The following KIF13B variants were observed in gnomAD, a reference collection of about 807,000 sequenced individuals.
KIF13B encodes kinesin family member 13B.
In KIF13B, 127 loss-of-function variants were observed where a neutral mutation model predicts 222.0. The observed-to-expected ratio is 0.57, with a 90% CI of 0.50 to 0.66. The LOEUF is 0.66. Ranked by LOEUF, KIF13B falls within the 30% of genes least tolerant of loss-of-function variation. The probability of loss-of-function intolerance (pLI) is 0.00; values close to 1 mark genes in which losing one functional copy is unlikely to be tolerated. For synonymous variants in KIF13B, 976 were observed against 919.0 expected (o/e 1.06, Z -1.12); for missense variants, 2,173 against 2,379.0 (o/e 0.91, Z 1.80).
intron 2 of KIF13B, among the ~76,000 whole-genome samples, chr8:29,221,899 A>G (rs1178510430): frequency 6.6e-6 from 1 of 152,170 alleles, no homozygotes; most frequent in Admixed American, 6.5e-5. Context: ...CACTATCGAT[A>G]CTTTATAAAA....
Position 29,180,214 on chromosome 8 carries a change from C to T in KIF13B, c.610G>A (p.Gly204Ser). ...GCAGCAACTGTGCGAGATTTGTTAC[C>T]CTCAGACATCAACGACTCAATATCC... Reference protein sequence around the residue: ...YKDIESLMSEGNKSRTVAATN... With the variant: ...YKDIESLMSESNKSRTVAATN... Residue 204 changes from glycine (G) to serine (S), a missense_variant, in exon 8 of 40, where the codon GGT becomes AGT. This residue lies in a region of KIF13B where 1,480 missense variants were observed against 1,722.8 expected (regional missense o/e 0.86). Transcript: ENST00000524189. 6.2e-7 allele frequency: 1 copy of T among 1,613,946 alleles called. No individual in the cohort carries two copies. Among genetic ancestry groups the T allele is most frequent in the Non-Finnish European group, 8.5e-7 (1 of 1,179,876 alleles).
intron 2 of KIF13B, among the ~76,000 whole-genome samples, chr8:29,232,709 C>G (rs1485503423): frequency 6.6e-6 from 1 of 152,136 alleles, no homozygotes; most frequent in Non-Finnish European, 1.5e-5. Flanking sequence ...GTAAGCACAA[C>G]AGTGATTTGT....
chr8:29,199,574 C>CAAAA (rs10579222), intron 2 of KIF13B, among the ~76,000 whole-genome samples: 29 of 119,406 alleles, frequency 2.4e-4, no homozygotes, highest in East Asian at 1.9e-3. Context: ...TTCCAAAATC[C>CAAAA]AAAAAAAAAA....
chr8:29,115,733 C>T (rs150058103), intron 31 of KIF13B, among the ~76,000 whole-genome samples: 127 of 152,266 alleles, frequency 8.3e-4, no homozygotes, highest in African/African-American at 2.9e-3. Flanking sequence ...ACAGGCAGGA[C>T]CCCCAGCACA....
Position 29,132,356 on chromosome 8 carries a change from A to C in KIF13B, c.2894T>G (p.Leu965Arg). Reference sequence around the variant, plus strand: ...TGCTTGGATGATTCCCAAATCCCACAGGGCGGGGTTTTTCCGGGGATCGTT... The same window carrying C: ...TGCTTGGATGATTCCCAAATCCCACCGGGCGGGGTTTTTCCGGGGATCGTT... ...KINDPRKNPA[L>R]WDLGIIQAKT... Residue 965 changes from leucine (L) to arginine (R), a missense_variant, in exon 23 of 40, where the codon CTG (leucine) becomes CGG (arginine). By Grantham distance (102) the Leu-to-Arg change is moderately radical. Coordinates refer to ENST00000524189, the MANE Select transcript of KIF13B (RefSeq NM_015254.4). 3.8e-6 allele frequency: 6 copies of C among 1,584,050 alleles called. No individual in the cohort carries two copies. Among genetic ancestry groups the C allele is most frequent in the Non-Finnish European group, 5.2e-6 (6 of 1,164,396 alleles).
chr8:29,231,071 G>C (rs905925901), intron 2 of KIF13B, among the ~76,000 whole-genome samples: 1 of 151,806 alleles, frequency 6.6e-6, no homozygotes, highest in Non-Finnish European at 1.5e-5. Flanking sequence ...GTAGAGACAG[G>C]GTTTCACCAT....
At chr8:29,086,642 A>C (rs1050403255) in intron 37 of KIF13B, among the ~76,000 whole-genome samples, 2 of 152,232 alleles carry the variant, frequency 1.3e-5, no homozygotes, top group African/African-American at 4.8e-5. Context: ...TCGATCCCCA[A>C]ACCATTCGGG....
At chr8:29,153,544 T>C (rs1358440110) in intron 14 of KIF13B, among the ~76,000 whole-genome samples, 1 of 152,182 alleles carries the variant, frequency 6.6e-6, no homozygotes, top group Non-Finnish European at 1.5e-5. Flanking sequence ...AACACTGATA[T>C]TCCTGGGACA....
chr8:29,160,716 A>G lies in KIF13B; in HGVS notation c.1404+17T>C. 6.2e-7 allele frequency: 1 copy of G among 1,605,312 alleles called. No individual in the cohort carries two copies. The highest frequency in any genetic ancestry group is 8.5e-7 in the Non-Finnish European group (1 of 1,175,724). On this transcript the variant is annotated intron_variant, in intron 13 of 39. Coordinates refer to ENST00000524189, the MANE Select transcript of KIF13B (RefSeq NM_015254.4). ...TATTTTGTAACAAGAATCTAGTAGCAAAGCACATTACTTCACCTTTAAATA... is the reference window on the plus strand; with the variant it reads ...TATTTTGTAACAAGAATCTAGTAGCGAAGCACATTACTTCACCTTTAAATA...
intron 36 of KIF13B, among the ~76,000 whole-genome samples, chr8:29,093,233 A>G (rs1335754777): frequency 6.6e-6 from 1 of 152,226 alleles, no homozygotes; most frequent in South Asian, 2.1e-4. Flanking sequence ...TGCCAATGAC[A>G]CAGATGTATA....
chr8:29,167,671 A>ACC, intron 10 of KIF13B, 86 bp from the exon 11 acceptor site: 1 of 1,111,708 alleles, frequency 9.0e-7, no homozygotes, highest in Non-Finnish European at 1.3e-6. Flanking sequence ...AATGGTGAAC[A>ACC]AATTTCCCCA....
chr8:29,165,669 A>G lies in KIF13B; in HGVS notation c.1262T>C (p.Ile421Thr). Residue 421 changes from isoleucine to threonine, a missense_variant, in exon 12 of 40, where the codon ATT becomes ACT. This residue lies in a region of KIF13B where 1,480 missense variants were observed against 1,722.8 expected (regional missense o/e 0.86). Transcript: ENST00000524189. Reference sequence around the variant, plus strand: ...TCATCAGGAAACACGAACCTGTGCAATCTCCTCCGTTTTCCTTAATTTCTC... The same window carrying G: ...TCATCAGGAAACACGAACCTGTGCAGTCTCCTCCGTTTTCCTTAATTTCTC... ...WEEKLRKTEE[I>T]AQERQKQLES... is the part of the protein sequence containing the mutation. 1.2e-6 allele frequency: 2 copies of G among 1,605,666 alleles called. No individual in the cohort carries two copies. The highest frequency in any genetic ancestry group is 2.2e-5 in the East Asian group (1 of 44,846).
At chr8:29,242,990 A>G (rs569978733) in intron 2 of KIF13B, among the ~76,000 whole-genome samples, 1 of 152,304 alleles carries the variant, frequency 6.6e-6, no homozygotes, top group Admixed American at 6.5e-5. Flanking sequence ...TTTCTCTAGA[A>G]CTAGGTGATT....
At chr8:29,191,141 G>T (rs1176835032) in intron 3 of KIF13B, 84 bp from the exon 4 acceptor site, 2 of 982,272 alleles carry the variant, frequency 2.0e-6, no homozygotes, top group Admixed American at 2.4e-5. Context: ...TCATAATAGT[G>T]AAATAAAACA....
intron 29 of KIF13B, among the ~76,000 whole-genome samples, chr8:29,121,527 C>T (rs560310522): frequency 2.5e-4 from 21 of 85,202 alleles, no homozygotes; most frequent in African/African-American, 5.3e-4. Flanking sequence ...AACTGGATCC[C>T]TTCCTTACAC....
intron 37 of KIF13B, among the ~76,000 whole-genome samples, chr8:29,088,795 A>G (rs1808159928): frequency 6.6e-6 from 1 of 152,240 alleles, no homozygotes; most frequent in African/African-American, 2.4e-5. Context: ...GCATATTCAA[A>G]GCATATTTAA....
intron 33 of KIF13B, 137 bp downstream of exon 33, chr8:29,109,781 A>G (rs1476634421): frequency 1.2e-6 from 1 of 867,678 alleles, no homozygotes; most frequent in Non-Finnish European, 1.8e-6. Context: ...AATTACAATC[A>G]CTCTGGATTA....
intron 14 of KIF13B, among the ~76,000 whole-genome samples, chr8:29,153,846 G>T (rs773095380): frequency 6.6e-6 from 1 of 152,196 alleles, no homozygotes; most frequent in African/African-American, 2.4e-5. Context: ...TACTTCCTCT[G>T]TAAGAGATGC....
intron 36 of KIF13B, 123 bp from the exon 37 acceptor site, chr8:29,093,001 AT>A (rs998387157): frequency 8.3e-6 from 7 of 847,384 alleles, no homozygotes; most frequent in Non-Finnish European, 8.9e-6. Context: ...TCCTTAAAAA[AT>A]ATTAGAGAAA....
Sources: gnomAD v4.1 joint callset for allele counts (sites outside exome capture counted in the v4.1 genomes callset) on GRCh38, gnomAD v4.1.1 for gene constraint, gnomAD v4.1.1 regional missense constraint, MANE v1.5 for transcripts, NCBI Gene and HGNC (gene_info 2026-07-23, HGNC 2026-07-21) for gene names.